Variants in ECHDC2 observed in about 807,000 individuals in gnomAD.
ECHDC2 encodes the protein enoyl-CoA hydratase domain containing 2, also known as enoyl-CoA hydratase domain-containing protein 2, mitochondrial.
A neutral mutation model predicts 40.6 loss-of-function variants in ECHDC2; 34 were observed. The observed-to-expected ratio is 0.84, with a 90% CI of 0.64 to 1.11. The LOEUF is 1.11. ECHDC2 is among the 50% of genes most tolerant of loss of function. The pLI, the probability that ECHDC2 is intolerant of heterozygous loss-of-function variation, is 0.00. For missense variants in ECHDC2, 392 were observed against 400.7 expected, an observed-to-expected ratio of 0.98 and a Z score of 0.19; for synonymous variants, 162 against 166.6, an observed-to-expected ratio of 0.97 and a Z score of 0.21.
intron 1 of ECHDC2, among the ~76,000 whole-genome samples, chr1:52,918,778 A>C (rs756681338): frequency 2.0e-4 from 31 of 152,188 alleles, no homozygotes; most frequent in Non-Finnish European, 4.3e-4. Context: ...TTGTAAAGCA[A>C]ATTTAGTGTA....
chr1:52,908,020 A>G (rs912120751), intron 3 of ECHDC2, 66 bp from the exon 4 acceptor site: 73 of 1,496,246 alleles, frequency 4.9e-5, no homozygotes, highest in Non-Finnish European at 6.8e-5. Context: ...CCAGGCGGTT[A>G]AAGGATCCAG....
chr1:52,910,775 C>T (rs1254045039), intron 3 of ECHDC2, among the ~76,000 whole-genome samples: 2 of 152,196 alleles, frequency 1.3e-5, no homozygotes, highest in South Asian at 2.1e-4. Context: ...GTCAAGTAAA[C>T]GAGAACGGAA....
At chr1:52,896,795 T>G (rs577291300) in intron 9 of ECHDC2, 198 bp from the exon 10 acceptor site, 1 of 570,108 alleles carries the variant, frequency 1.8e-6, no homozygotes, top group Non-Finnish European at 3.1e-6. Flanking sequence ...GCCTTTGTAT[T>G]CTCTGTGCCC....
chr1:52,904,802 C>G lies in ECHDC2; in HGVS notation c.546G>C (p.Gly182=), dbSNP rs751543782. 3.7e-6 allele frequency: 6 copies of G among 1,612,858 alleles called. No individual in the cohort carries two copies. In the East Asian group the frequency reaches 1.3e-4, roughly 36 times the overall value. Residue 182 remains glycine (G), a synonymous_variant, in exon 7 of 10, where the codon GGG becomes GGC. Transcript: ENST00000371522. ...GGTQRLPRCL[G]VALAKELIFT... ...AGATGAGCTCCTTCGCCAGGGCCAC[C>G]CCCAGACAACGGGGCAGCCTCTGAG...
chr1:52,910,529 T>C (rs112584376), intron 3 of ECHDC2, among the ~76,000 whole-genome samples: 6,665 of 151,334 alleles, frequency 0.044, 518 homozygotes, highest in African/African-American at 0.15. Context: ...CCACAATGCC[T>C]GGCTAATTTT....
At chr1:52,906,724 T>G in intron 4 of ECHDC2, 113 bp from the exon 5 acceptor site, 1 of 676,192 alleles carries the variant, frequency 1.5e-6, no homozygotes, top group Admixed American at 3.1e-5. Context: ...GACCCAGGTC[T>G]GGGGACATTA....
intron 7 of ECHDC2, chr1:52,899,530 T>C (rs1646857310): frequency 2.6e-6 from 1 of 386,752 alleles, no homozygotes; most frequent in African/African-American, 2.1e-5. Flanking sequence ...CTAATGGTGC[T>C]ACCCACACTT....
At chr1:52,921,526 T>A in intron 1 of ECHDC2, 27 bp downstream of exon 1, 1 of 1,600,274 alleles carries the variant, frequency 6.2e-7, no homozygotes, top group South Asian at 1.1e-5. Flanking sequence ...AGTCGCGTCA[T>A]GCGCCGCCCC....
At chr1:52,920,290 C>A (rs935484918) in intron 1 of ECHDC2, 1 of 586,026 alleles carries the variant, frequency 1.7e-6, no homozygotes, top group Non-Finnish European at 3.0e-6. Flanking sequence ...CACTTGGGAA[C>A]AGTGGGCAAC....
At chr1:52,908,514 G>GA (rs1161285370) in intron 3 of ECHDC2, among the ~76,000 whole-genome samples, 2 of 150,324 alleles carry the variant, frequency 1.3e-5, no homozygotes, top group African/African-American at 4.9e-5. Context: ...GAAGAAAAAA[G>GA]AAAAAAAAGA....
chr1:52,910,352 G>GCTTTTTTTTTTTT (rs1649094598), intron 3 of ECHDC2, among the ~76,000 whole-genome samples: 2 of 32,062 alleles, frequency 6.2e-5, no homozygotes, highest in African/African-American at 2.2e-4. Context: ...CCACAATTTC[G>GCTTTTTTTTTTTT]TTTTTTTTTT....
intron 3 of ECHDC2, among the ~76,000 whole-genome samples, chr1:52,909,068 A>G (rs1648734854): frequency 6.6e-6 from 1 of 152,168 alleles, no homozygotes; most frequent in African/African-American, 2.4e-5. Context: ...AAAAACCACA[A>G]TGAGATACTA....
intron 5 of ECHDC2, chr1:52,906,182 A>C (rs1647758687): frequency 2.6e-6 from 1 of 378,480 alleles, no homozygotes; most frequent in South Asian, 2.1e-5. Context: ...CCTTTTTCCG[A>C]AACATGGTCG....
rs140330474 is a variant in ECHDC2 at position 52,911,070 on chromosome 1, G to A, written c.277+496C>T. ...CAGCTCACTGCAACCTCCGCCTCCC[G>A]GGTTCAAGCAATTCTCCTGCCTCAG... On this transcript the variant is annotated intron_variant, in intron 3 of 9. Transcript: ENST00000371522. Among the ~76,000 whole-genome samples the A allele has an allele frequency of 2.0e-3, 308 of 152,164 alleles. 5 individuals carry two copies. The East Asian group carries it at 0.043, about 21-fold the overall frequency.
Position 52,911,764 on chromosome 1 carries a change from G to T in ECHDC2, c.148C>A (p.Pro50Thr). Reference sequence around the variant, plus strand: ...TTCCCCAAGGCATTGCGGGCAGAAGGTCTGTTCATCAGAATCTCAGTGATC... The same window carrying T: ...TTCCCCAAGGCATTGCGGGCAGAAGTTCTGTTCATCAGAATCTCAGTGATC... Reference protein sequence around the residue: ...QGITEILMNRPSARNALGNVF... With the variant: ...QGITEILMNRTSARNALGNVF... The change falls in exon 2 of 10, where the codon CCT becomes ACT. Residue 50 changes from proline to threonine, a missense_variant. Coordinates refer to ENST00000371522, the MANE Select transcript of ECHDC2 (RefSeq NM_001198961.2). 6.2e-7 allele frequency: 1 copy of T among 1,614,042 alleles called. No homozygotes were observed. Among genetic ancestry groups the T allele is most frequent in the Non-Finnish European group, 8.5e-7 (1 of 1,179,960 alleles).
chr1:52,921,535 C>T lies in ECHDC2; in HGVS notation c.121+18G>A. On this transcript the variant is annotated intron_variant, in intron 1 of 9. Transcript: ENST00000371522. ...AGTCCCAGTCGCGTCATGCGCCGCCCCGGAACTGCACATTTACCTTGGTCC... is the reference window on the plus strand; with the variant it reads ...AGTCCCAGTCGCGTCATGCGCCGCCTCGGAACTGCACATTTACCTTGGTCC... 6.2e-7 allele frequency: 1 copy of T among 1,605,894 alleles called. No individual in the cohort carries two copies. The highest frequency in any genetic ancestry group is 1.1e-5 in the South Asian group (1 of 89,830).
intron 7 of ECHDC2, among the ~76,000 whole-genome samples, chr1:52,902,518 G>T (rs1016276809): frequency 6.6e-6 from 1 of 151,842 alleles, no homozygotes; most frequent in Admixed American, 6.6e-5. Context: ...TAGAACCCCT[G>T]GTCTCAAGCA....
At chr1:52,902,733 T>G (rs1647065570) in intron 7 of ECHDC2, among the ~76,000 whole-genome samples, 1 of 152,262 alleles carries the variant, frequency 6.6e-6, no homozygotes, top group African/African-American at 2.4e-5. Flanking sequence ...GTACATATTT[T>G]GCTCTCTTAA....
chr1:52,921,559 C>G lies in ECHDC2; in HGVS notation c.115G>C (p.Asp39His). The G allele has an allele frequency of 6.2e-7, 1 of 1,609,624 alleles. No homozygotes were observed. The highest frequency in any genetic ancestry group is 8.5e-7 in the Non-Finnish European group (1 of 1,178,588). Residue 39 changes from aspartate (D) to histidine (H), a missense_variant, in exon 1 of 10, where the codon GAC (aspartate) becomes CAC (histidine). Asp to His is a moderately conservative substitution (Grantham distance 81). Coordinates refer to ENST00000371522, the MANE Select transcript of ECHDC2 (RefSeq NM_001198961.2). ...CCCGGAACTGCACATTTACCTTGGT[C>G]CGGACCCGCCAGGGCGCGCACTTGG... is the stretch of plus-strand genomic sequence containing the variant. ...EIQVRALAGP[D>H]QGITEILMNR... is the part of the protein sequence containing the mutation.
Sources: allele counts gnomAD v4.1 joint callset (sites outside exome capture counted in the v4.1 genomes callset), GRCh38; gene constraint gnomAD v4.1.1; transcripts MANE v1.5; gene names NCBI Gene and HGNC (gene_info 2026-07-23, HGNC 2026-07-21).